The following VPS13B variants were observed in gnomAD, a reference collection of about 807,000 sequenced individuals.
VPS13B encodes intermembrane lipid transfer protein VPS13B.
In VPS13B, 285 loss-of-function variants were observed where a neutral mutation model predicts 426.4. The observed-to-expected ratio is 0.67, with a 90% CI of 0.61 to 0.74. The LOEUF is 0.74. VPS13B is among the 30% of genes least tolerant of loss of function. The pLI is 0.00. For synonymous variants in VPS13B, 1,676 were observed against 1,676.4 expected (o/e 1.00, Z 0.01); for missense variants, 4,537 against 4,782.6 (o/e 0.95, Z 1.51).
At chr8:99,492,460 C>T (rs915894058) in intron 25 of VPS13B, among the ~76,000 whole-genome samples, 10 of 152,222 alleles carry the variant, frequency 6.6e-5, no homozygotes, top group African/African-American at 1.7e-4. Context: ...GTTCAGTATG[C>T]CCTGCCCACA....
intron 52 of VPS13B, among the ~76,000 whole-genome samples, chr8:99,834,899 C>T (rs773774595): frequency 7.2e-5 from 11 of 152,080 alleles, no homozygotes; most frequent in Non-Finnish European, 1.3e-4. Context: ...CCCTGCCTGG[C>T]GAAGGAGTTT....
intron 21 of VPS13B, among the ~76,000 whole-genome samples, chr8:99,418,816 G>C (rs1332377876): frequency 6.6e-6 from 1 of 152,184 alleles, no homozygotes. Context: ...TCTCTTCTGA[G>C]GAATTTATCC....
intron 21 of VPS13B, among the ~76,000 whole-genome samples, chr8:99,411,756 C>T (rs1348883027): frequency 2.0e-5 from 3 of 151,948 alleles, no homozygotes; most frequent in Non-Finnish European, 4.4e-5. Flanking sequence ...TAAAGAAGGG[C>T]CCAGTTTCAG....
At chr8:99,803,209 T>A (rs1374489098) in intron 43 of VPS13B, among the ~76,000 whole-genome samples, 2 of 152,210 alleles carry the variant, frequency 1.3e-5, no homozygotes, top group African/African-American at 4.8e-5. Flanking sequence ...GGATTACCTT[T>A]CAGCCACAAT....
intron 17 of VPS13B, among the ~76,000 whole-genome samples, chr8:99,215,607 G>A (rs942131783): frequency 1.3e-5 from 2 of 152,182 alleles, no homozygotes; most frequent in African/African-American, 2.4e-5. Context: ...CCTGCCTCCT[G>A]TGAAGGCACA....
rs752892181 is a variant in VPS13B at position 99,832,468 on chromosome 8, G to A, written c.9430G>A (p.Asp3144Asn). The A allele has an allele frequency of 6.2e-7, 1 of 1,610,980 alleles. No individual in the cohort carries two copies. The highest frequency in any genetic ancestry group is 8.5e-7 in the Non-Finnish European group (1 of 1,179,310). The part of the protein sequence containing the change: ...SSLPCWDLMP[D>N]ISQSVLDASL... ...CCTTCCTTGCTGGGACTTGATGCCT[G>A]ACATCAGTCAGTCAGTACTGGATGC... is the stretch of plus-strand genomic sequence containing the variant. The change falls in exon 52 of 62, where the codon GAC (aspartate) becomes AAC (asparagine). Residue 3144 changes from aspartate (D) to asparagine (N), a missense_variant. By Grantham distance (23) the Asp-to-Asn change is conservative. Transcript: ENST00000357162.
intron 23 of VPS13B, among the ~76,000 whole-genome samples, chr8:99,465,778 G>T (rs1819081681): frequency 6.6e-6 from 1 of 151,938 alleles, no homozygotes; most frequent in Non-Finnish European, 1.5e-5. Context: ...TTCTTCCTAG[G>T]GGGAAAAATA....
intron 16 of VPS13B, among the ~76,000 whole-genome samples, chr8:99,172,566 A>G (rs1812402912): frequency 1.3e-5 from 2 of 152,132 alleles, no homozygotes; most frequent in African/African-American, 2.4e-5. Flanking sequence ...TGATTGTTTT[A>G]TTACTTGAAG....
At chr8:99,715,956 GTTTCTA>G (rs1409798957) in intron 36 of VPS13B, among the ~76,000 whole-genome samples, 3 of 152,018 alleles carry the variant, frequency 2.0e-5, no homozygotes, top group East Asian at 1.9e-4. Context: ...TTTGGGGCCT[GTTTCTA>G]TTTCTTTTAT....
chr8:99,078,674 A>G (rs1845270735), intron 3 of VPS13B, among the ~76,000 whole-genome samples: 1 of 152,016 alleles, frequency 6.6e-6, no homozygotes, highest in Non-Finnish European at 1.5e-5. Context: ...CAGAGGTAGA[A>G]GTGGTATGGT....
intron 17 of VPS13B, among the ~76,000 whole-genome samples, chr8:99,211,682 C>A (rs1479320638): frequency 6.6e-6 from 1 of 151,654 alleles, no homozygotes; most frequent in Non-Finnish European, 1.5e-5. Context: ...GAGGCTGAGG[C>A]AGGAGAATCA....
chr8:99,017,283 T>G (rs1841671918), intron 2 of VPS13B, among the ~76,000 whole-genome samples: 1 of 152,206 alleles, frequency 6.6e-6, no homozygotes, highest in African/African-American at 2.4e-5. Context: ...TTGCTGTAAA[T>G]CAGGTTGCCA....
chr8:99,595,981 G>A (rs1264647805), intron 33 of VPS13B, among the ~76,000 whole-genome samples: 1 of 151,868 alleles, frequency 6.6e-6, no homozygotes, highest in African/African-American at 2.4e-5. Context: ...GACTAGGATG[G>A]CTACAGTCAA....
chr8:99,847,365 T>C (rs926570130), intron 54 of VPS13B, among the ~76,000 whole-genome samples: 2 of 152,246 alleles, frequency 1.3e-5, no homozygotes, highest in Admixed American at 6.5e-5. Flanking sequence ...CAAATAGAAA[T>C]ATGGTTAAAA....
intron 21 of VPS13B, among the ~76,000 whole-genome samples, chr8:99,417,187 T>G (rs974179437): frequency 1.3e-5 from 2 of 152,178 alleles, no homozygotes; most frequent in Non-Finnish European, 2.9e-5. Flanking sequence ...AACCAAAGTA[T>G]TTTAATTTAT....
chr8:99,412,741 T>G (rs1244809415), intron 21 of VPS13B, among the ~76,000 whole-genome samples: 2 of 152,210 alleles, frequency 1.3e-5, no homozygotes, highest in Non-Finnish European at 2.9e-5. Context: ...TTGAGATACA[T>G]TCCATCAATA....
intron 33 of VPS13B, among the ~76,000 whole-genome samples, chr8:99,586,547 C>T (rs1222007267): frequency 6.6e-6 from 1 of 152,076 alleles, no homozygotes; most frequent in Non-Finnish European, 1.5e-5. Flanking sequence ...TATGGCCTGA[C>T]TTTTAATATA....
chr8:99,273,973 A>G (rs368376872), intron 17 of VPS13B, among the ~76,000 whole-genome samples: 1 of 152,136 alleles, frequency 6.6e-6, no homozygotes, highest in East Asian at 1.9e-4. Flanking sequence ...GAGCTTGACT[A>G]ATCAAGAATT....
At chr8:99,701,413 C>A (rs1161671645) in intron 36 of VPS13B, among the ~76,000 whole-genome samples, 1 of 152,030 alleles carries the variant, frequency 6.6e-6, no homozygotes, top group Non-Finnish European at 1.5e-5. Flanking sequence ...TTTCTTTTTT[C>A]ATCCTCATTG....
Sources: gnomAD v4.1 joint callset for allele counts (sites outside exome capture counted in the v4.1 genomes callset) on GRCh38, gnomAD v4.1.1 for gene constraint, MANE v1.5 for transcripts, NCBI Gene and HGNC (gene_info 2026-07-23, HGNC 2026-07-21) for gene names.